The following TF variants were observed in gnomAD, a reference collection of about 807,000 sequenced individuals.
The protein encoded by TF is serotransferrin.
A neutral mutation model predicts 82.4 loss-of-function variants in TF; 55 were observed. The ratio of observed to expected loss-of-function variants is 0.67; its 90% CI spans 0.54 to 0.84. The LOEUF (loss-of-function observed/expected upper bound fraction) is 0.84. Ranked by LOEUF, TF falls within the 40% of genes least tolerant of loss-of-function variation. The pLI is 0.00. For missense variants in TF, 737 were observed against 868.4 expected (o/e 0.85, Z 1.90); for synonymous variants, 332 against 332.6 (o/e 1.00, Z 0.02).
At chr3:133,674,543 C>T in the TF span, among the ~76,000 whole-genome samples, 1 of 152,182 alleles carries the variant, frequency 6.6e-6, no homozygotes, top group African/African-American at 2.4e-5. Flanking sequence ...CTTGCTCCGG[C>T]GGGGTAAAGC....
the TF span, among the ~76,000 whole-genome samples, chr3:133,703,042 A>G: frequency 2.6e-5 from 4 of 152,320 alleles, no homozygotes; most frequent in East Asian, 7.7e-4. Flanking sequence ...AATAATGGCT[A>G]TGTAATATTC....
intron 16 of TF, 124 bp downstream of exon 16, chr3:133,777,362 TG>T: frequency 1.1e-6 from 1 of 901,308 alleles, no homozygotes; most frequent in Non-Finnish European, 1.8e-6. Context: ...CAAAATGAAA[TG>T]GTGAGTGAAC....
chr3:133,712,319 C>T, the TF span, among the ~76,000 whole-genome samples: 1 of 152,110 alleles, frequency 6.6e-6, no homozygotes, highest in Non-Finnish European at 1.5e-5. Context: ...GCAATGGCAG[C>T]AGAGCCCAGA....
Position 133,793,384 on chromosome 3 carries a change from A to T in TF, c.*14764A>T, listed in dbSNP as rs1316500828. The T allele has an allele frequency of 6.6e-6, 1 of 152,074 alleles. No individual in the cohort carries two copies. The highest frequency in any genetic ancestry group is 1.9e-4 in the East Asian group (1 of 5,198). The allele number at this position is 152,074 out of a possible 1,614,324, so 9.4% of individuals were successfully genotyped here. On this transcript the variant is annotated 3_prime_UTR_variant, in exon 17 of 17. Coordinates refer to ENST00000402696, the MANE Select transcript of TF (RefSeq NM_001063.4). ...CCCAAAATCAAATTTCAGCTTCAAA[A>T]TTGTCTTTTCTAACCTCTAACTTTG...
chr3:133,748,398 CCTCT>C lies in TF; in HGVS notation c.44-10_44-7del. 6.2e-7 allele frequency: 1 copy of C among 1,613,950 alleles called. No homozygotes were observed. The highest frequency in any genetic ancestry group is 2.2e-5 in the East Asian group (1 of 44,874). On this transcript the variant is annotated splice_polypyrimidine_tract_variant and intron_variant, in intron 1 of 16. Transcript: ENST00000402696. ...AGGGAGTGGGCCCTTCCACCTCTGG[CCTCT>C]CTCCCCCAGGGCTGTGTCTGGCTGT... is the stretch of plus-strand genomic sequence containing the variant.
the TF span, among the ~76,000 whole-genome samples, chr3:133,692,567 C>A: frequency 1.3e-5 from 2 of 152,010 alleles, no homozygotes; most frequent in African/African-American, 4.8e-5. Flanking sequence ...GAGGGACTAG[C>A]AGAAAAAAGA....
At chr3:133,753,997 G>A in intron 3 of TF, 1 of 527,526 alleles carries the variant, frequency 1.9e-6, no homozygotes, top group Non-Finnish European at 3.4e-6. Context: ...GCGGTCTACT[G>A]ATATGTCTAG....
Position 133,754,563 on chromosome 3 carries a change from C to T in TF, c.394C>T (p.Arg132Ter). 9 of 1,614,172 alleles carry T rather than the reference C, an allele frequency of 5.6e-6. No individual in the cohort carries two copies. The highest frequency in any genetic ancestry group is 7.6e-6 in the Non-Finnish European group (9 of 1,180,026). ...KDSGFQMNQL[R>*]GKKSCHTGLG... ...TAGTGGCTTCCAGATGAACCAGCTT[C>T]GAGGCAAGAAGTCCTGCCACACGGG... is the stretch of plus-strand genomic sequence containing the variant. The change falls in exon 4 of 17, where the codon CGA becomes TGA. Residue 132 changes from arginine to a stop codon, truncating the protein, a stop_gained. Coordinates refer to ENST00000402696, the MANE Select transcript of TF (RefSeq NM_001063.4). LOFTEE classifies it high-confidence loss of function.
intron 2 of TF, among the ~76,000 whole-genome samples, chr3:133,749,634 G>A (rs1478211579): frequency 6.6e-6 from 1 of 152,200 alleles, no homozygotes; most frequent in Admixed American, 6.5e-5. Flanking sequence ...GGGCTCCAGT[G>A]TAAAATACAC....
At position 133,751,629 on chromosome 3, in the gene TF, G is replaced by T. The variant is rs149254594; in HGVS notation, c.217-1966G>T. Among the ~76,000 whole-genome samples, 303 of 152,314 alleles carry T rather than the reference G, an allele frequency of 2.0e-3. 3 individuals carry two copies. Among genetic ancestry groups the T allele is most frequent in the South Asian group, 0.01 (49 of 4,826 alleles). On this transcript the variant is annotated intron_variant, in intron 2 of 16. Coordinates refer to ENST00000402696, the MANE Select transcript of TF (RefSeq NM_001063.4). ...GTAAAGAGTTTCAGTTTCTGGAGAT[G>T]GATAGATGTGATGGCTATAAAACAA...
chr3:133,670,848 C>T, the TF span, among the ~76,000 whole-genome samples: 10 of 152,296 alleles, frequency 6.6e-5, no homozygotes, highest in African/African-American at 1.9e-4. Context: ...ATGAACCACT[C>T]GGCACATGGC....
chr3:133,689,310 C>A, the TF span, among the ~76,000 whole-genome samples: 1 of 151,818 alleles, frequency 6.6e-6, no homozygotes, highest in South Asian at 2.1e-4. Flanking sequence ...GGCAACGGAG[C>A]GAGACTCTGC....
the TF span, among the ~76,000 whole-genome samples, chr3:133,680,887 G>GT: frequency 2.4e-4 from 37 of 152,342 alleles, no homozygotes; most frequent in African/African-American, 4.1e-4. Flanking sequence ...TTCCCTGACA[G>GT]TTTTTTTAAA....
chr3:133,757,394 C>T (rs562793752), intron 7 of TF, among the ~76,000 whole-genome samples: 10 of 152,320 alleles, frequency 6.6e-5, no homozygotes, highest in Admixed American at 2.0e-4. Flanking sequence ...GCCTGCACAG[C>T]GGCTTTACTT....
intron 8 of TF, 62 bp downstream of exon 8, chr3:133,758,008 C>T (rs3811658): frequency 0.34 from 528,864 of 1,542,188 alleles, 93,819 homozygotes; most frequent in Admixed American, 0.44. Flanking sequence ...AGCACAGGGG[C>T]CAGAGATTGA....
intron 14 of TF, chr3:133,773,891 T>C (rs1238309241): frequency 6.6e-6 from 1 of 152,244 alleles, no homozygotes; most frequent in Non-Finnish European, 1.5e-5. Context: ...CTCTCTCCCT[T>C]AGAAACACCA....
chr3:133,695,864 T>TA, the TF span, among the ~76,000 whole-genome samples: 1 of 152,132 alleles, frequency 6.6e-6, no homozygotes, highest in African/African-American at 2.4e-5. Flanking sequence ...GGCTACTAAG[T>TA]AACTAACAGG....
At chr3:133,668,670 C>A in the TF span, among the ~76,000 whole-genome samples, 1 of 152,176 alleles carries the variant, frequency 6.6e-6, no homozygotes, top group African/African-American at 2.4e-5. Context: ...ACCCCCTCAC[C>A]CTTAGCACTC....
At position 133,757,117 on chromosome 3, in the gene TF, A is replaced by G. The variant is rs8177233; in HGVS notation, c.870+108A>G. 0.013 allele frequency: 18,691 copies of G among 1,427,962 alleles called. 1,902 individuals carry two copies. The African/African-American group carries it at 0.23, about 17-fold the overall frequency. The allele number at this position is 1,427,962 out of a possible 1,614,324, so 88.5% of individuals were successfully genotyped here. A position where few individuals can be genotyped will look rare whatever the true frequency, so the allele number is the denominator to read the frequency against. Reference sequence around the variant, plus strand: ...CTGGAAGTCTGTGTGTTCAGGATACAGTGGGAGCCATGCCACATGTCACTA... The same window carrying G: ...CTGGAAGTCTGTGTGTTCAGGATACGGTGGGAGCCATGCCACATGTCACTA... On this transcript the variant is annotated intron_variant, in intron 7 of 16. Transcript: ENST00000402696.
Sources: gnomAD v4.1 joint callset for allele counts (sites outside exome capture counted in the v4.1 genomes callset) on GRCh38, gnomAD v4.1.1 for gene constraint, MANE v1.5 for transcripts, NCBI Gene and HGNC (gene_info 2026-07-23, HGNC 2026-07-21) for gene names.